Variants in CSPP1 observed in about 807,000 individuals in gnomAD.
The protein encoded by CSPP1 is centrosome and spindle pole-associated protein 1.
In CSPP1, 126 loss-of-function variants were observed where a neutral mutation model predicts 164.4. The ratio of observed to expected loss-of-function variants is 0.77; its 90% CI spans 0.66 to 0.89. CSPP1 has a LOEUF of 0.89. CSPP1 is among the 40% of genes least tolerant of loss of function. The pLI, the probability that CSPP1 is intolerant of heterozygous loss-of-function variation, is 0.00. For synonymous variants in CSPP1, 472 were observed against 476.7 expected (o/e 0.99, Z 0.13); for missense variants, 1,395 against 1,449.8 (o/e 0.96, Z 0.61).
At chr8:67,106,045 C>A in intron 9 of CSPP1, 70 bp downstream of exon 9, 3 of 799,076 alleles carry the variant, frequency 3.8e-6, no homozygotes, top group East Asian at 2.5e-5. Context: ...AGTGAGAACT[C>A]AGTGTTGTAA....
At chr8:67,083,548 A>AAAAATAT (rs1332248754) in intron 3 of CSPP1, 151 of 91,466 alleles carry the variant, frequency 1.7e-3, no homozygotes, top group Non-Finnish European at 2.6e-3. Flanking sequence ...AAAAAAAAAA[A>AAAAATAT]ATATATATAT....
At chr8:67,103,325 T>G (rs371677042) in intron 8 of CSPP1, among the ~76,000 whole-genome samples, 190 bp downstream of exon 8, 11 of 152,356 alleles carry the variant, frequency 7.2e-5, no homozygotes, top group African/African-American at 2.2e-4. Flanking sequence ...CTTTACAGCA[T>G]TCTTTTAAAG....
intron 1 of CSPP1, among the ~76,000 whole-genome samples, chr8:67,065,716 A>T (rs933420533): frequency 6.6e-6 from 1 of 152,028 alleles, no homozygotes; most frequent in African/African-American, 2.4e-5. Flanking sequence ...TTAGTAGAGA[A>T]GGGGGTTTCA....
chr8:67,187,272 AAAGAG>A (rs1259839308), intron 28 of CSPP1, among the ~76,000 whole-genome samples: 2 of 152,228 alleles, frequency 1.3e-5, no homozygotes, highest in African/African-American at 4.8e-5. Flanking sequence ...CACAATGTTT[AAAGAG>A]AAGAGTTGGA....
intron 30 of CSPP1, among the ~76,000 whole-genome samples, chr8:67,194,868 T>G (rs2129576409): frequency 6.6e-6 from 1 of 152,250 alleles, no homozygotes; most frequent in Middle Eastern, 3.4e-3. Flanking sequence ...AGATTAGGTG[T>G]TTTAAGAATG....
intron 15 of CSPP1, among the ~76,000 whole-genome samples, chr8:67,121,431 GT>G (rs113291647): frequency 1.1e-3 from 155 of 143,202 alleles, no homozygotes; most frequent in African/African-American, 3.6e-3. Flanking sequence ...TGATGATCAT[GT>G]TTTTTTCCCC....
chr8:67,099,067 A>ATT (rs1813469540), intron 7 of CSPP1, among the ~76,000 whole-genome samples: 1 of 151,718 alleles, frequency 6.6e-6, no homozygotes, highest in Non-Finnish European at 1.5e-5. Flanking sequence ...GATCAACTAG[A>ATT]GTTGTTGACT....
intron 5 of CSPP1, among the ~76,000 whole-genome samples, chr8:67,093,172 A>T (rs964752687): frequency 1.3e-5 from 2 of 152,190 alleles, no homozygotes; most frequent in African/African-American, 4.8e-5. Flanking sequence ...GAATCTATGG[A>T]TTTATGTGGC....
At chr8:67,168,112 C>G (rs1212641973) in intron 24 of CSPP1, among the ~76,000 whole-genome samples, 1 of 152,200 alleles carries the variant, frequency 6.6e-6, no homozygotes, top group Non-Finnish European at 1.5e-5. Flanking sequence ...CTGGCCAACA[C>G]AGCGAAACCC....
At chr8:67,102,488 G>A (rs1393890469) in intron 7 of CSPP1, among the ~76,000 whole-genome samples, 1 of 152,128 alleles carries the variant, frequency 6.6e-6, no homozygotes, top group African/African-American at 2.4e-5. Flanking sequence ...TACTTGGGAG[G>A]CTGAGGCAGG....
At chr8:67,188,542 G>A (rs180834259) in intron 28 of CSPP1, among the ~76,000 whole-genome samples, 25 of 152,334 alleles carry the variant, frequency 1.6e-4, no homozygotes, top group African/African-American at 5.1e-4. Flanking sequence ...GTGGCAACCC[G>A]TTTTGGGTCC....
intron 5 of CSPP1, among the ~76,000 whole-genome samples, chr8:67,093,157 A>T (rs1292766143): frequency 6.6e-6 from 1 of 152,212 alleles, no homozygotes; most frequent in African/African-American, 2.4e-5. Flanking sequence ...TGGGAATCAA[A>T]CCTGGAATCT....
intron 3 of CSPP1, among the ~76,000 whole-genome samples, chr8:67,078,166 G>C (rs1158265851): frequency 1.3e-5 from 2 of 152,116 alleles, no homozygotes; most frequent in Non-Finnish European, 2.9e-5. Flanking sequence ...TTAAATTCTA[G>C]GGTTACAGCT....
intron 28 of CSPP1, among the ~76,000 whole-genome samples, chr8:67,183,861 T>TC (rs1833663983): frequency 6.7e-6 from 1 of 148,588 alleles, no homozygotes; most frequent in African/African-American, 2.5e-5. Context: ...TTTTTTTTTT[T>TC]TTTTTTTTTT....
chr8:67,141,452 A>G (rs1195218161), intron 17 of CSPP1, among the ~76,000 whole-genome samples: 1 of 152,232 alleles, frequency 6.6e-6, no homozygotes, highest in African/African-American at 2.4e-5. Flanking sequence ...TCTTTTAATG[A>G]TATTTTCAAG....
chr8:67,174,119 G>A (rs1189706305), intron 25 of CSPP1: 1 of 151,956 alleles, frequency 6.6e-6, no homozygotes, highest in Non-Finnish European at 1.5e-5. Flanking sequence ...CCATAGAATT[G>A]GGCTGTTCAT....
chr8:67,179,592 A>G (rs1832525970), intron 27 of CSPP1, among the ~76,000 whole-genome samples: 1 of 152,184 alleles, frequency 6.6e-6, no homozygotes, highest in Non-Finnish European at 1.5e-5. Context: ...AAGGGGCAGG[A>G]AGGAGTGGAG....
Position 67,114,385 on chromosome 8 carries a change from T to C in CSPP1, c.1287+15T>C, listed in dbSNP as rs1178981016. The stretch of plus-strand genomic sequence containing the variant: ...GTAAGGAGGAGGTAATTTATTGTTT[T>C]TACCACAATTTATTTTTTCTGTAGT... On this transcript the variant is annotated intron_variant, in intron 12 of 30. Coordinates refer to ENST00000678616, the MANE Select transcript of CSPP1 (RefSeq NM_001382391.1). 1 of 152,664 alleles carries C rather than the reference T, an allele frequency of 6.6e-6. No homozygotes were observed. The highest frequency in any genetic ancestry group is 2.4e-5 in the African/African-American group (1 of 41,470). 9.5% of individuals were successfully genotyped at this position (152,664 alleles called of 1,614,324 possible). A position where few individuals can be genotyped will look rare whatever the true frequency, so the allele number is the denominator to read the frequency against.
At chr8:67,170,773 T>C (rs1157853276) in intron 24 of CSPP1, among the ~76,000 whole-genome samples, 1 of 152,066 alleles carries the variant, frequency 6.6e-6, no homozygotes, top group African/African-American at 2.4e-5. Context: ...CTAATAGAGC[T>C]GTTCGAATAA....
Sources: gnomAD v4.1 joint callset for allele counts (sites outside exome capture counted in the v4.1 genomes callset) on GRCh38, gnomAD v4.1.1 for gene constraint, MANE v1.5 for transcripts, NCBI Gene and HGNC (gene_info 2026-07-23, HGNC 2026-07-21) for gene names.